SCARA3: variants seen among roughly 807,000 people sequenced by gnomAD.
SCARA3 encodes cellular stress response gene protein.
A neutral mutation model predicts 47.0 loss-of-function variants in SCARA3; 39 were observed. The observed-to-expected ratio is 0.83, with a 90% CI of 0.64 to 1.08. SCARA3 has a LOEUF of 1.08. Ranked by LOEUF, SCARA3 falls within the 50% of genes least tolerant of loss-of-function variation. The pLI is 0.00. For synonymous variants in SCARA3, 356 were observed against 334.1 expected (o/e 1.07, Z -0.71); for missense variants, 724 against 792.3 (o/e 0.91, Z 1.04).
the SCARA3 span, among the ~76,000 whole-genome samples, chr8:27,686,023 C>CTCTTTT: frequency 1.3e-5 from 2 of 152,194 alleles, no homozygotes; most frequent in African/African-American, 4.8e-5. Context: ...TGAAGAGATA[C>CTCTTTT]ATCAACCAAA....
At chr8:27,639,959 CTG>C (rs1287413456) in intron 1 of SCARA3, among the ~76,000 whole-genome samples, 2 of 151,928 alleles carry the variant, frequency 1.3e-5, no homozygotes, top group Admixed American at 6.6e-5. Flanking sequence ...GCAGGAGGAG[CTG>C]TGTCCTTAGA....
At position 27,672,014 on chromosome 8, in the gene SCARA3, T is replaced by C. The variant is rs1802178161; in HGVS notation, c.*663T>C. ...AGCAGTTTCCCAGGGCTCCCTGGGGTTGAAAAGCCCCAAGGAAACCTTTGC... is the reference window on the plus strand; with the variant it reads ...AGCAGTTTCCCAGGGCTCCCTGGGGCTGAAAAGCCCCAAGGAAACCTTTGC... On this transcript the variant is annotated 3_prime_UTR_variant, in exon 6 of 6. Transcript: ENST00000301904. The C allele has an allele frequency of 1.0e-6, 1 of 985,058 alleles. No individual in the cohort carries two copies. Among genetic ancestry groups the C allele is most frequent in the South Asian group, 4.7e-5 (1 of 21,280 alleles). 61.0% of individuals were successfully genotyped at this position (985,058 alleles called of 1,614,324 possible). A position where few individuals can be genotyped will look rare whatever the true frequency, so the allele number is the denominator to read the frequency against.
In SCARA3 at chr8:27,672,917, T is replaced by A. The variant is rs1187356534; in HGVS notation, c.*1566T>A. The A allele has an allele frequency of 5.1e-6, 5 of 985,284 alleles. No homozygotes were observed. In the African/African-American group the frequency reaches 8.7e-5, roughly 17 times the overall value. 61.0% of individuals were successfully genotyped at this position (985,284 alleles called of 1,614,324 possible). A position where few individuals can be genotyped will look rare whatever the true frequency, so the allele number is the denominator to read the frequency against. ...CTCCTGACTGTCCTGGATGTGCAACTGGTTTGCACTGCACACCCCACGGCC... is the reference window on the plus strand; with the variant it reads ...CTCCTGACTGTCCTGGATGTGCAACAGGTTTGCACTGCACACCCCACGGCC... On this transcript the variant is annotated 3_prime_UTR_variant, in exon 6 of 6. Coordinates refer to ENST00000301904, the MANE Select transcript of SCARA3 (RefSeq NM_016240.3).
At chr8:27,692,952 C>T in the SCARA3 span, among the ~76,000 whole-genome samples, 1 of 152,094 alleles carries the variant, frequency 6.6e-6, no homozygotes, top group East Asian at 1.9e-4. Flanking sequence ...TGGCAAAACC[C>T]TGTCTCTACA....
At chr8:27,687,478 CAGAG>C in the SCARA3 span, among the ~76,000 whole-genome samples, 2,077 of 151,920 alleles carry the variant, frequency 0.014, 95 homozygotes, top group East Asian at 0.18. Flanking sequence ...AGGAGAGAGA[CAGAG>C]AGAATGAGAG....
Position 27,659,250 on chromosome 8 carries a change from C to CTTCACCAACATCAA in SCARA3, c.1082_1095dup (p.Ala366SerfsTer39). The stretch of plus-strand genomic sequence containing the variant: ...CTCACGAGATTGAAATTGGCACCAT[C>CTTCACCAACATCAA]TTCACCAACATCAATGCCACCGACA... On this transcript the variant is annotated frameshift_variant, in exon 5 of 6. Transcript: ENST00000301904. LOFTEE classifies it high-confidence loss of function. The CTTCACCAACATCAA allele has an allele frequency of 6.2e-7, 1 of 1,614,186 alleles. No individual in the cohort carries two copies. The highest frequency in any genetic ancestry group is 8.5e-7 in the Non-Finnish European group (1 of 1,180,036).
the SCARA3 span, among the ~76,000 whole-genome samples, chr8:27,716,300 G>C: frequency 4.6e-5 from 7 of 151,880 alleles, no homozygotes; most frequent in Non-Finnish European, 7.4e-5. Flanking sequence ...GTGACAGCAA[G>C]ATCTCTCTAT....
downstream of SCARA3, among the ~76,000 whole-genome samples, chr8:27,678,863 A>T: frequency 6.6e-6 from 1 of 152,212 alleles, no homozygotes; most frequent in East Asian, 1.9e-4. Flanking sequence ...GGTTTATCTC[A>T]GTATAAACCT....
chr8:27,655,534 C>A (rs1016133569), intron 3 of SCARA3, among the ~76,000 whole-genome samples: 2 of 152,142 alleles, frequency 1.3e-5, no homozygotes, highest in African/African-American at 2.4e-5. Context: ...GTGGTGTAAT[C>A]TTTTCTGGGC....
chr8:27,715,589 TGATAGATAGATAGATAGATAGATA>T, the SCARA3 span, among the ~76,000 whole-genome samples: 3 of 45,722 alleles, frequency 6.6e-5, no homozygotes, highest in Non-Finnish European at 1.2e-4. The surrounding 1 kb of genome is among the most constrained non-coding windows in gnomAD (Gnocchi z 4.2). Flanking sequence ...CCTAGATAGA[TGATAGATAGATAGATAGATAGATA>T]GATAGATAGA....
intron 2 of SCARA3, among the ~76,000 whole-genome samples, chr8:27,650,534 C>T (rs1000536206): frequency 6.6e-6 from 1 of 152,188 alleles, no homozygotes; most frequent in Non-Finnish European, 1.5e-5. Context: ...ATTGCAATCA[C>T]CCATGGATGC....
chr8:27,700,645 G>C, the SCARA3 span, among the ~76,000 whole-genome samples: 2 of 151,404 alleles, frequency 1.3e-5, no homozygotes, highest in African/African-American at 2.4e-5. Context: ...GACATGAACA[G>C]ACATTTTGCA....
chr8:27,659,585 G>C (rs762919270), intron 5 of SCARA3, 46 bp downstream of exon 5: 2 of 1,504,498 alleles, frequency 1.3e-6, no homozygotes, highest in Admixed American at 3.9e-5. Context: ...TTCCACTGAG[G>C]CTTGGTGATC....
intron 3 of SCARA3, 35 bp downstream of exon 3, chr8:27,651,662 G>C (rs377722408): frequency 1.9e-6 from 3 of 1,609,914 alleles, no homozygotes; most frequent in Non-Finnish European, 2.5e-6. Flanking sequence ...GGGCTGCAGG[G>C]GGGTGTCTGA....
chr8:27,651,951 G>A (rs971144066), intron 3 of SCARA3, among the ~76,000 whole-genome samples: 1 of 152,158 alleles, frequency 6.6e-6, no homozygotes, highest in Non-Finnish European at 1.5e-5. Flanking sequence ...TCGATGTCTA[G>A]GCCCCACCCC....
the SCARA3 span, among the ~76,000 whole-genome samples, chr8:27,685,856 T>A: frequency 6.6e-6 from 1 of 150,756 alleles, no homozygotes; most frequent in Non-Finnish European, 1.5e-5. Flanking sequence ...ACACCATTTT[T>A]ATGACTGGGG....
At chr8:27,653,302 G>A (rs1022679805) in intron 3 of SCARA3, among the ~76,000 whole-genome samples, 9 of 152,188 alleles carry the variant, frequency 5.9e-5, no homozygotes, top group East Asian at 1.9e-4. Context: ...AGGCTGGAGC[G>A]GGAGGCTGGC....
At chr8:27,634,601 C>T (rs761052018) in intron 1 of SCARA3, among the ~76,000 whole-genome samples, 9 of 152,210 alleles carry the variant, frequency 5.9e-5, no homozygotes, top group East Asian at 1.9e-4. Flanking sequence ...CATCCCCCAC[C>T]GAGCCTTTCA....
At chr8:27,695,556 A>G in the SCARA3 span, among the ~76,000 whole-genome samples, 2 of 152,214 alleles carry the variant, frequency 1.3e-5, no homozygotes, top group Non-Finnish European at 2.9e-5. Flanking sequence ...AAATTTAGGC[A>G]ATAGAAACTA....
Sources: allele counts gnomAD v4.1 joint callset (sites outside exome capture counted in the v4.1 genomes callset), GRCh38; gene constraint gnomAD v4.1.1; non-coding constraint Gnocchi (gnomAD v3.1); transcripts MANE v1.5; gene names NCBI Gene and HGNC (gene_info 2026-07-23, HGNC 2026-07-21).